The following RAP1A variants were observed in gnomAD, a reference collection of about 807,000 sequenced individuals.
RAP1A encodes ras-related protein Rap-1A.
A neutral mutation model predicts 26.4 loss-of-function variants in RAP1A; 6 were observed. That is an observed-to-expected ratio of 0.23 (90% CI 0.12 to 0.45). The LOEUF (loss-of-function observed/expected upper bound fraction) is 0.45, where lower values mean the gene tolerates loss of function less well. Ranked by LOEUF, RAP1A falls within the 20% of genes least tolerant of loss-of-function variation. RAP1A has a pLI of 0.99. For missense variants in RAP1A, 121 were observed against 217.2 expected, an observed-to-expected ratio of 0.56 and a Z score of 2.78; for synonymous variants, 73 against 79.4, an observed-to-expected ratio of 0.92 and a Z score of 0.43.
intron 1 of RAP1A, among the ~76,000 whole-genome samples, chr1:111,672,783 T>C (rs1349044843): frequency 6.6e-6 from 1 of 152,190 alleles, no homozygotes; most frequent in African/African-American, 2.4e-5. Flanking sequence ...TTTCTACAAG[T>C]TTTTTAGGAT....
At chr1:111,602,361 T>G (rs1304298216) in intron 1 of RAP1A, 1 of 152,224 alleles carries the variant, frequency 6.6e-6, no homozygotes, top group African/African-American at 2.4e-5. Context: ...ATAGTTATCT[T>G]TAAAAATGGG....
intron 1 of RAP1A, among the ~76,000 whole-genome samples, chr1:111,655,092 A>G (rs1351308429): frequency 6.6e-6 from 1 of 152,066 alleles, no homozygotes; most frequent in Non-Finnish European, 1.5e-5. Context: ...GAGTTTCTAA[A>G]TTACTCACAA....
At position 111,619,791 on chromosome 1, in the gene RAP1A, C is replaced by T. The variant is rs956361757; in HGVS notation, c.-171C>T. The T allele has an allele frequency of 5.0e-6, 2 of 397,946 alleles. No individual in the cohort carries two copies. Among genetic ancestry groups the T allele is most frequent in the East Asian group, 3.6e-5 (1 of 28,020 alleles). The allele number at this position is 397,946 out of a possible 1,614,324, so 24.7% of individuals were successfully genotyped here. A position where few individuals can be genotyped will look rare whatever the true frequency, so the allele number is the denominator to read the frequency against. On this transcript the variant is annotated 5_prime_UTR_variant, in exon 1 of 8. Coordinates refer to ENST00000369709, the MANE Select transcript of RAP1A (RefSeq NM_002884.4). ...GTGCGCGTTCTGGAGGAGGCGCCGC[C>T]GCCGCTCCCGAGGCCCCTGCCGCCG...
Position 111,712,433 on chromosome 1 carries a change from T to G in RAP1A, c.*32T>G, listed in dbSNP as rs1662412507. ...TATATCTGTATCCAATGTCTTAGATTACAGGAATGAAGAACTGTTGCCTAA... is the reference window on the plus strand; with the variant it reads ...TATATCTGTATCCAATGTCTTAGATGACAGGAATGAAGAACTGTTGCCTAA... On this transcript the variant is annotated splice_region_variant and 3_prime_UTR_variant, in exon 8 of 8. Coordinates refer to ENST00000369709, the MANE Select transcript of RAP1A (RefSeq NM_002884.4). The G allele has an allele frequency of 6.6e-6, 1 of 152,524 alleles. No individual in the cohort carries two copies. Among genetic ancestry groups the G allele is most frequent in the African/African-American group, 2.4e-5 (1 of 41,456 alleles). The allele number at this position is 152,524 out of a possible 1,614,324, so 9.4% of individuals were successfully genotyped here.
intron 1 of RAP1A, among the ~76,000 whole-genome samples, chr1:111,571,923 G>C (rs187878038): frequency 6.6e-6 from 1 of 152,278 alleles, no homozygotes; most frequent in East Asian, 1.9e-4. Flanking sequence ...TAATTATGAG[G>C]CTCTCTGATT....
chr1:111,669,078 T>C (rs1017307964), intron 1 of RAP1A, among the ~76,000 whole-genome samples: 3 of 150,462 alleles, frequency 2.0e-5, no homozygotes, highest in African/African-American at 7.3e-5. Context: ...AATAAAAATC[T>C]TAAAAGTCAA....
chr1:111,556,103 G>T (rs1257929252), intron 1 of RAP1A, among the ~76,000 whole-genome samples: 1 of 152,116 alleles, frequency 6.6e-6, no homozygotes, highest in Non-Finnish European at 1.5e-5. Context: ...TTTAAAAAGG[G>T]CAAAGGACTT....
intron 4 of RAP1A, among the ~76,000 whole-genome samples, chr1:111,700,578 G>T (rs1661989859): frequency 6.6e-6 from 1 of 152,158 alleles, no homozygotes; most frequent in South Asian, 2.1e-4. Flanking sequence ...AGGTTTGGAG[G>T]TGACAAACAT....
intron 1 of RAP1A, among the ~76,000 whole-genome samples, chr1:111,588,498 C>A (rs1658420516): frequency 6.6e-6 from 1 of 152,170 alleles, no homozygotes; most frequent in Non-Finnish European, 1.5e-5. Context: ...CACACAAGAT[C>A]CCCCATGATA....
chr1:111,678,039 G>C (rs1661180376), intron 1 of RAP1A, among the ~76,000 whole-genome samples: 2 of 152,174 alleles, frequency 1.3e-5, no homozygotes, highest in South Asian at 4.1e-4. Flanking sequence ...CACACAATAT[G>C]TATTACTACA....
At chr1:111,648,020 A>G (rs1660126463) in intron 1 of RAP1A, among the ~76,000 whole-genome samples, 1 of 151,990 alleles carries the variant, frequency 6.6e-6, no homozygotes, top group Non-Finnish European at 1.5e-5. Flanking sequence ...TCTTAGTTCA[A>G]ATCTAGGTCA....
At chr1:111,564,266 A>G (rs185343010) in intron 1 of RAP1A, among the ~76,000 whole-genome samples, 3 of 152,260 alleles carry the variant, frequency 2.0e-5, no homozygotes, top group African/African-American at 7.2e-5. Flanking sequence ...GCCTTTTCCC[A>G]TTCCCTAACC....
upstream of RAP1A, among the ~76,000 whole-genome samples, chr1:111,617,725 C>T (rs888105156): frequency 7.3e-5 from 11 of 151,242 alleles, no homozygotes; most frequent in South Asian, 2.1e-4. Flanking sequence ...TGAGCCACCA[C>T]GCCTGGCCCA....
chr1:111,691,341 G>T lies in RAP1A; in HGVS notation c.-20G>T, dbSNP rs371467548. On this transcript the variant is annotated 5_prime_UTR_variant, in exon 2 of 8. Coordinates refer to ENST00000369709, the MANE Select transcript of RAP1A (RefSeq NM_002884.4). ...TTTTTGTTTGTTTTTCAGATCGTCAGTATTTAAACAGATCACATCATGCGT... is the reference window on the plus strand; with the variant it reads ...TTTTTGTTTGTTTTTCAGATCGTCATTATTTAAACAGATCACATCATGCGT... 83 of 1,608,918 alleles carry T rather than the reference G, an allele frequency of 5.2e-5. No individual in the cohort carries two copies. Among genetic ancestry groups the T allele is most frequent in the South Asian group, 2.0e-4 (18 of 90,824 alleles).
intron 1 of RAP1A, among the ~76,000 whole-genome samples, chr1:111,591,783 T>C (rs1358777757): frequency 6.6e-6 from 1 of 152,236 alleles, no homozygotes; most frequent in African/African-American, 2.4e-5. Flanking sequence ...CAGACCTTTT[T>C]TGTATTTCCC....
At position 111,619,841 on chromosome 1, in the gene RAP1A, AGAGCCGGAGCAG is replaced by A. The variant is rs1447662663; in HGVS notation, c.-115_-104del. Reference sequence around the variant, plus strand: ...GCCGCTCCCGCTGCTGTCGCCGCGCAGAGCCGGAGCAGGAGCCACGGCCGAGAGGAGGGAGGA... The same window carrying A: ...GCCGCTCCCGCTGCTGTCGCCGCGCAGAGCCACGGCCGAGAGGAGGGAGGA... On this transcript the variant is annotated 5_prime_UTR_variant, in exon 1 of 8. Coordinates refer to ENST00000369709, the MANE Select transcript of RAP1A (RefSeq NM_002884.4). 1 of 395,872 alleles carries A rather than the reference AGAGCCGGAGCAG, an allele frequency of 2.5e-6. No individual in the cohort carries two copies. Among genetic ancestry groups the A allele is most frequent in the Non-Finnish European group, 4.4e-6 (1 of 225,238 alleles). 24.5% of individuals were successfully genotyped at this position (395,872 alleles called of 1,614,324 possible). A position where few individuals can be genotyped will look rare whatever the true frequency, so the allele number is the denominator to read the frequency against.
At chr1:111,680,737 CA>C (rs1661264676) in intron 1 of RAP1A, 1 of 152,934 alleles carries the variant, frequency 6.5e-6, no homozygotes, top group Non-Finnish European at 1.5e-5. Context: ...CCCAGGCAAA[CA>C]GGGTCTGGAG....
At chr1:111,587,790 A>C (rs1269957796) in intron 1 of RAP1A, among the ~76,000 whole-genome samples, 1 of 152,168 alleles carries the variant, frequency 6.6e-6, no homozygotes, top group Non-Finnish European at 1.5e-5. Flanking sequence ...AATTACCTGC[A>C]CAGGGCTATC....
At chr1:111,567,427 A>G (rs1657946814) in intron 1 of RAP1A, among the ~76,000 whole-genome samples, 1 of 152,220 alleles carries the variant, frequency 6.6e-6, no homozygotes, top group African/African-American at 2.4e-5. Flanking sequence ...GTTCTTGCTA[A>G]AAGTCTCATC....
Sources: gnomAD v4.1 joint callset for allele counts (sites outside exome capture counted in the v4.1 genomes callset) on GRCh38, gnomAD v4.1.1 for gene constraint, MANE v1.5 for transcripts, NCBI Gene and HGNC (gene_info 2026-07-23, HGNC 2026-07-21) for gene names.